DLG2: variants seen among roughly 807,000 people sequenced by gnomAD.
The protein encoded by DLG2 is discs large MAGUK scaffold protein 2, also known as disks large homolog 2.
Under a neutral mutation model 132.5 loss-of-function variants are expected in DLG2, and 45 were observed. That is an observed-to-expected ratio of 0.34 (90% CI 0.27 to 0.44). The LOEUF is 0.44. Among genes scored for constraint, DLG2 ranks in the 20% least tolerant of loss-of-function variants. DLG2 has a pLI of 1.00. For synonymous variants in DLG2, 424 were observed against 419.6 expected (o/e 1.01, Z -0.13); for missense variants, 1,045 against 1,196.9 (o/e 0.87, Z 1.87).
intron 18 of DLG2, among the ~76,000 whole-genome samples, chr11:83,738,751 A>G (rs1201588934): frequency 6.6e-6 from 1 of 152,152 alleles, no homozygotes; most frequent in African/African-American, 2.4e-5. Context: ...CCGACTTCCT[A>G]CACACCTCTC....
At chr11:84,072,723 T>C (rs1042624767) in intron 10 of DLG2, among the ~76,000 whole-genome samples, 1 of 152,216 alleles carries the variant, frequency 6.6e-6, no homozygotes, top group Non-Finnish European at 1.5e-5. Context: ...TTGTACTGCT[T>C]ATAGCTAGAA....
chr11:84,525,737 A>T (rs1230786891), intron 7 of DLG2, among the ~76,000 whole-genome samples: 1 of 152,162 alleles, frequency 6.6e-6, no homozygotes, highest in East Asian at 1.9e-4. Flanking sequence ...TCTCTACATA[A>T]GGTCCTTCAT....
chr11:83,578,224 A>G (rs1483166964), intron 19 of DLG2, among the ~76,000 whole-genome samples: 1 of 151,554 alleles, frequency 6.6e-6, no homozygotes, highest in Non-Finnish European at 1.5e-5. Flanking sequence ...TTAAACATGT[A>G]CACTACAAAC....
At position 85,222,816 on chromosome 11, in the gene DLG2, G is replaced by C. The variant is rs59195587; in HGVS notation, c.186+62404C>G. 2.0e-4 allele frequency among the ~76,000 whole-genome samples: 30 copies of C among 152,122 alleles called. 1 individual carries two copies. Among genetic ancestry groups the C allele is most frequent in the African/African-American group, 7.0e-4 (29 of 41,492 alleles). Reference sequence around the variant, plus strand: ...TTCTGAGATTTTTTTTTCCCGGCTAGTCCTATGGTAGCTTCCCTGGTGTCC... The same window carrying C: ...TTCTGAGATTTTTTTTTCCCGGCTACTCCTATGGTAGCTTCCCTGGTGTCC... On this transcript the variant is annotated intron_variant, in intron 4 of 27. Coordinates refer to ENST00000376104, the MANE Select transcript of DLG2 (RefSeq NM_001142699.3).
chr11:85,147,744 T>C (rs1259764884), intron 5 of DLG2, among the ~76,000 whole-genome samples: 1 of 151,818 alleles, frequency 6.6e-6, no homozygotes, highest in Non-Finnish European at 1.5e-5. Flanking sequence ...ATTCTTTTAT[T>C]TTATTTTATT....
At chr11:83,530,938 G>C (rs114895497) in intron 21 of DLG2, among the ~76,000 whole-genome samples, 1 of 152,000 alleles carries the variant, frequency 6.6e-6, no homozygotes, top group African/African-American at 2.4e-5. Context: ...ATCCAAAAAT[G>C]AAATTAAGAA....
At chr11:83,999,624 C>G (rs1479625792) in intron 11 of DLG2, among the ~76,000 whole-genome samples, 1 of 152,102 alleles carries the variant, frequency 6.6e-6, no homozygotes, top group Non-Finnish European at 1.5e-5. Context: ...CAGACATGCT[C>G]AGCTCACTGC....
intron 18 of DLG2, among the ~76,000 whole-genome samples, chr11:83,690,661 A>G (rs1376095733): frequency 9.7e-6 from 1 of 103,126 alleles, no homozygotes; most frequent in African/African-American, 3.9e-5. Context: ...GGTATCAAAC[A>G]TTTCGGTCCA....
At chr11:84,420,707 C>T (rs868289365) in intron 7 of DLG2, among the ~76,000 whole-genome samples, 29 of 105,774 alleles carry the variant, frequency 2.7e-4, no homozygotes, top group Admixed American at 5.8e-4. Flanking sequence ...CTTGCTCTGT[C>T]GCCCAGGCTG....
rs2040034827 is a variant in DLG2 at position 83,786,732 on chromosome 11, C to A, written c.1783G>T (p.Ala595Ser). Residue 595 changes from alanine (A) to serine (S), a missense_variant, in exon 18 of 28, where the codon GCT becomes TCT. By Grantham distance (99) the Ala-to-Ser change is moderately conservative. Coordinates refer to ENST00000376104, the MANE Select transcript of DLG2 (RefSeq NM_001142699.3). Reference protein sequence around the residue: ...HEQAAAALKGAGQTVTIIAQY... With the variant: ...HEQAAAALKGSGQTVTIIAQY... ...GCTATAATCGTCACTGTCTGTCCAG[C>A]CCCCTTTAGTGCAGCAGCTGCCTGC... 1.9e-6 allele frequency: 3 copies of A among 1,614,002 alleles called. No homozygotes were observed. The highest frequency in any genetic ancestry group is 1.3e-5 in the African/African-American group (1 of 74,910).
At chr11:84,166,888 C>T (rs1686720701) in intron 8 of DLG2, 1 of 532,102 alleles carries the variant, frequency 1.9e-6, no homozygotes, top group Non-Finnish European at 3.9e-6. Context: ...AATTCCTTTT[C>T]CTCAAAAGAG....
chr11:84,320,264 T>C (rs187326407), intron 7 of DLG2, among the ~76,000 whole-genome samples: 120 of 152,348 alleles, frequency 7.9e-4, no homozygotes, highest in Non-Finnish European at 2.2e-4. Context: ...CGTTTAAGAC[T>C]AATATCCTAG....
At chr11:84,983,237 C>A (rs1566572914) in intron 6 of DLG2, among the ~76,000 whole-genome samples, 1 of 152,160 alleles carries the variant, frequency 6.6e-6, no homozygotes, top group East Asian at 1.9e-4. Context: ...CGGATTGCTC[C>A]TGAAGGACCC....
rs1238773255 is a variant in DLG2, at chr11:84,819,104, C to CACACACACACAA, written c.358-284374_358-284373insTTGTGTGTGTGT. 2.7e-5 allele frequency among the ~76,000 whole-genome samples: 4 copies of CACACACACACAA among 149,066 alleles called. No homozygotes were observed. The South Asian group carries it at 8.5e-4, about 32-fold the overall frequency. ...ACACACACACACACACACACACACA[C>CACACACACACAA]ACAATTTCGTTTGATGCTTACAACA... On this transcript the variant is annotated intron_variant, in intron 6 of 27. Transcript: ENST00000376104.
intron 8 of DLG2, among the ~76,000 whole-genome samples, chr11:84,169,790 T>C (rs938723231): frequency 9.2e-5 from 14 of 151,948 alleles, no homozygotes; most frequent in African/African-American, 3.1e-4. Context: ...TGAGAATCGC[T>C]TGAAGCAGGG....
intron 3 of DLG2, among the ~76,000 whole-genome samples, chr11:85,503,551 A>G (rs974609783): frequency 6.6e-6 from 1 of 152,096 alleles, no homozygotes; most frequent in African/African-American, 2.4e-5. Flanking sequence ...AGGTGATTGG[A>G]TAATGAAGGT....
chr11:83,814,140 C>T (rs1424100890), intron 17 of DLG2, among the ~76,000 whole-genome samples: 4 of 151,932 alleles, frequency 2.6e-5, no homozygotes, highest in East Asian at 3.9e-4. Flanking sequence ...TTCTATAAAA[C>T]AATAAACACC....
At position 85,012,139 on chromosome 11, in the gene DLG2, T is replaced by TGGAGAAACTCCATTTCTACTAAAAATAC. The variant is rs1566644270; in HGVS notation, c.357+99521_357+99522insGTATTTTTAGTAGAAATGGAGTTTCTCC. Among the ~76,000 whole-genome samples the TGGAGAAACTCCATTTCTACTAAAAATAC allele has an allele frequency of 9.3e-3, 743 of 80,318 alleles. 108 individuals carry two copies. Among genetic ancestry groups the TGGAGAAACTCCATTTCTACTAAAAATAC allele is most frequent in the Middle Eastern group, 0.023 (4 of 174 alleles). 52.7% of individuals were successfully genotyped at this position (80,318 alleles called of 152,430 possible). ...GAGTTCGAGACCAGCCTGACCAACA[T>TGGAGAAACTCCATTTCTACTAAAAATAC]AATCTATGTGAAATGACCTAGATAA... On this transcript the variant is annotated intron_variant, in intron 6 of 27. Transcript: ENST00000376104.
chr11:84,126,492 G>GA (rs2094179272), intron 9 of DLG2, among the ~76,000 whole-genome samples: 1 of 151,758 alleles, frequency 6.6e-6, no homozygotes, highest in Admixed American at 6.6e-5. Context: ...GAAATCATCT[G>GA]ATACAAAATA....
Sources: gnomAD v4.1 joint callset for allele counts (sites outside exome capture counted in the v4.1 genomes callset) on GRCh38, gnomAD v4.1.1 for gene constraint, MANE v1.5 for transcripts, NCBI Gene and HGNC (gene_info 2026-07-23, HGNC 2026-07-21) for gene names.